The following GLYATL2 variants were observed in gnomAD, a reference collection of about 807,000 sequenced individuals.
GLYATL2 encodes glycine-N-acyltransferase like 2.
A neutral mutation model predicts 21.4 loss-of-function variants in GLYATL2; 25 were observed. That is an observed-to-expected ratio of 1.17 (90% CI 0.85 to 1.63). The LOEUF (loss-of-function observed/expected upper bound fraction) is 1.63, where lower values mean the gene tolerates loss of function less well. GLYATL2 is among the 40% of genes most tolerant of loss of function. The pLI is 0.00. For missense variants in GLYATL2, 361 were observed against 343.3 expected (o/e 1.05, Z -0.41); for synonymous variants, 114 against 118.2 (o/e 0.96, Z 0.23).
chr11:58,845,209 T>C (rs1048675248), upstream of GLYATL2, among the ~76,000 whole-genome samples: 8 of 152,126 alleles, frequency 5.3e-5, no homozygotes, highest in African/African-American at 1.9e-4. Context: ...GCTCCCAGAG[T>C]GCCTGGCAAT....
chr11:58,903,788 C>A (rs1277352319), intron 1 of GLYATL2, among the ~76,000 whole-genome samples: 1 of 152,170 alleles, frequency 6.6e-6, no homozygotes, highest in Non-Finnish European at 1.5e-5. Context: ...GATCTATGCT[C>A]TTCTCTCCCA....
At chr11:58,848,500 C>G (rs546508499), upstream of GLYATL2, among the ~76,000 whole-genome samples, 251 of 152,166 alleles carry the variant, frequency 1.6e-3, no homozygotes, top group African/African-American at 5.7e-3. Flanking sequence ...ATTTAACAGA[C>G]AGATTGAAAT....
chr11:58,888,953 C>G (rs1283660655), intron 1 of GLYATL2, among the ~76,000 whole-genome samples: 1 of 151,812 alleles, frequency 6.6e-6, no homozygotes, highest in Admixed American at 6.6e-5. Context: ...GTTGGAGGAG[C>G]TTTTTTAGAC....
chr11:58,884,645 A>G (rs1038075390), intron 1 of GLYATL2, among the ~76,000 whole-genome samples: 8 of 152,206 alleles, frequency 5.3e-5, no homozygotes, highest in Non-Finnish European at 1.0e-4. Context: ...AGAACTCTTA[A>G]TATTCACTTT....
At chr11:58,877,090 G>T (rs992974451) in intron 1 of GLYATL2, among the ~76,000 whole-genome samples, 1 of 152,236 alleles carries the variant, frequency 6.6e-6, no homozygotes, top group Non-Finnish European at 1.5e-5. Context: ...TCTGTGCCTT[G>T]TGCAGGATAT....
At chr11:58,888,141 G>T (rs1854475343) in intron 1 of GLYATL2, among the ~76,000 whole-genome samples, 1 of 152,060 alleles carries the variant, frequency 6.6e-6, no homozygotes, top group Non-Finnish European at 1.5e-5. Flanking sequence ...AACTGTTTAT[G>T]TTGTTTGACC....
At chr11:58,890,153 T>C (rs1056139726) in intron 1 of GLYATL2, among the ~76,000 whole-genome samples, 4 of 152,136 alleles carry the variant, frequency 2.6e-5, no homozygotes, top group African/African-American at 9.7e-5. Context: ...TTTATGTCCA[T>C]GTATGGTCAA....
At chr11:58,865,497 G>A (rs1014221036) in intron 1 of GLYATL2, among the ~76,000 whole-genome samples, 3 of 149,112 alleles carry the variant, frequency 2.0e-5, no homozygotes, top group African/African-American at 7.3e-5. Flanking sequence ...GCCACAAAAT[G>A]CAGTATTTAT....
intron 1 of GLYATL2, among the ~76,000 whole-genome samples, chr11:58,863,039 G>C (rs1312564806): frequency 6.6e-6 from 1 of 152,232 alleles, no homozygotes; most frequent in African/African-American, 2.4e-5. Context: ...TCTTCAGGCA[G>C]GCTAGCCTGG....
upstream of GLYATL2, among the ~76,000 whole-genome samples, chr11:58,906,176 CA>C (rs1379444978): frequency 6.6e-6 from 1 of 152,168 alleles, no homozygotes; most frequent in African/African-American, 2.4e-5. Context: ...GGGCAGTAGA[CA>C]GAAGGATCTC....
At chr11:58,896,239 G>A (rs368809854) in intron 1 of GLYATL2, among the ~76,000 whole-genome samples, 117 of 152,212 alleles carry the variant, frequency 7.7e-4, no homozygotes, top group African/African-American at 2.6e-3. Flanking sequence ...AAAGTTTGGG[G>A]TGGAATGGCC....
chr11:58,838,136 C>T, intron 3 of GLYATL2, 125 bp downstream of exon 3: 1 of 626,926 alleles, frequency 1.6e-6, no homozygotes, highest in Admixed American at 3.0e-5. Context: ...ACAGCCCTTC[C>T]AAAACCTGCA....
chr11:58,857,918 C>G (rs1169572289), intron 1 of GLYATL2, among the ~76,000 whole-genome samples: 1 of 131,396 alleles, frequency 7.6e-6, no homozygotes, highest in South Asian at 2.4e-4. Flanking sequence ...AAAAAACAAG[C>G]AAAACAAACA....
intron 1 of GLYATL2, among the ~76,000 whole-genome samples, chr11:58,852,697 G>T (rs528317139): frequency 6.6e-6 from 1 of 152,166 alleles, no homozygotes; most frequent in Non-Finnish European, 1.5e-5. Flanking sequence ...TCTTCTAATT[G>T]CCATCAGCTA....
rs539348288 is a variant in GLYATL2, at chr11:58,893,855, T to C, written n.60+10301A>G. On this transcript the variant is annotated intron_variant and non_coding_transcript_variant, in intron 1 of 4. Transcript: ENST00000533636. ...GTCAATAAAGTACACCTAATCTATA[T>C]GGATACTTTATTTTAAATAAATACC... Among the ~76,000 whole-genome samples, 114 of 152,336 alleles carry C rather than the reference T, an allele frequency of 7.5e-4. 1 individual carries two copies. Among genetic ancestry groups the C allele is most frequent in the Admixed American group, 7.2e-4 (11 of 15,304 alleles).
chr11:58,865,732 G>A (rs1156563469), intron 1 of GLYATL2, among the ~76,000 whole-genome samples: 1 of 30,244 alleles, frequency 3.3e-5, no homozygotes, highest in East Asian at 7.1e-4. Flanking sequence ...GATGAAGGAA[G>A]AAGGCAGGTG....
chr11:58,896,948 C>T (rs1477771187), intron 1 of GLYATL2, among the ~76,000 whole-genome samples: 1 of 152,148 alleles, frequency 6.6e-6, no homozygotes, highest in Non-Finnish European at 1.5e-5. Context: ...TCCTGTTCTG[C>T]CAGTTCCCTC....
chr11:58,841,456 G>C (rs190003670), intron 1 of GLYATL2, among the ~76,000 whole-genome samples: 1 of 152,176 alleles, frequency 6.6e-6, no homozygotes, highest in Non-Finnish European at 1.5e-5. Flanking sequence ...GCCAGAAAAG[G>C]TATGTGAAGT....
intron 2 of GLYATL2, among the ~76,000 whole-genome samples, chr11:58,838,870 T>TG (rs1273156325): frequency 1.3e-5 from 2 of 152,084 alleles, no homozygotes; most frequent in Non-Finnish European, 2.9e-5. Context: ...GCACTACCTG[T>TG]CTAGGAAGTG....
Sources: allele counts gnomAD v4.1 joint callset (sites outside exome capture counted in the v4.1 genomes callset), GRCh38; gene constraint gnomAD v4.1.1; transcripts MANE v1.5; gene names NCBI Gene and HGNC (gene_info 2026-07-23, HGNC 2026-07-21).